The following LYPD6B variants were observed in gnomAD, a reference collection of about 807,000 sequenced individuals.
LYPD6B encodes the protein LY6/PLAUR domain containing 6B, also known as ly6/PLAUR domain-containing protein 6B.
A neutral mutation model predicts 22.8 loss-of-function variants in LYPD6B; 17 were observed. The observed-to-expected ratio is 0.75, with a 90% CI of 0.51 to 1.12. The LOEUF is 1.12. Among genes scored for constraint, LYPD6B ranks in the 50% most tolerant of loss-of-function variants. The pLI is 0.00. For missense variants in LYPD6B, 221 were observed against 258.3 expected, an observed-to-expected ratio of 0.86 and a Z score of 0.99; for synonymous variants, 106 against 91.6, an observed-to-expected ratio of 1.16 and a Z score of -0.90.
intron 1 of LYPD6B, among the ~76,000 whole-genome samples, chr2:149,124,845 G>A (rs1025166848): frequency 2.6e-5 from 4 of 151,900 alleles, no homozygotes; most frequent in African/African-American, 7.3e-5. Context: ...CCCACCTCCC[G>A]CTCCCTGTAC....
At chr2:149,120,446 G>C (rs540648018) in intron 1 of LYPD6B, among the ~76,000 whole-genome samples, 20 of 136,410 alleles carry the variant, frequency 1.5e-4, no homozygotes, top group Non-Finnish European at 3.1e-4. Context: ...GCAGTGGCGC[G>C]ATCTCGGCTC....
chr2:149,198,337 T>C (rs1692952405), intron 3 of LYPD6B, among the ~76,000 whole-genome samples: 1 of 152,150 alleles, frequency 6.6e-6, no homozygotes, highest in Non-Finnish European at 1.5e-5. Flanking sequence ...CCACCGCGCC[T>C]CACTGCTTTT....
rs6761388 is a variant in LYPD6B, at chr2:149,207,173, T to C, written c.230-1141T>C. The stretch of plus-strand genomic sequence containing the variant: ...TGGATGTCATTATTTATTTTCCTGC[T>C]GATACACTTTTGAACATAGGCAAAA... On this transcript the variant is annotated intron_variant, in intron 4 of 6. Coordinates refer to ENST00000409642, the MANE Select transcript of LYPD6B (RefSeq NM_177964.5). Among the ~76,000 whole-genome samples the C allele has an allele frequency of 8.0e-3, 1,223 of 152,306 alleles. 15 individuals carry two copies. The highest frequency in any genetic ancestry group is 0.028 in the African/African-American group (1,180 of 41,586).
At chr2:149,065,281 A>C (rs1684270015) in intron 1 of LYPD6B, among the ~76,000 whole-genome samples, 1 of 152,220 alleles carries the variant, frequency 6.6e-6, no homozygotes, top group South Asian at 2.1e-4. Context: ...GGAGAATTCT[A>C]GGGAGGGCAG....
At chr2:149,065,086 G>A (rs888181453) in intron 1 of LYPD6B, among the ~76,000 whole-genome samples, 3 of 152,208 alleles carry the variant, frequency 2.0e-5, no homozygotes, top group Non-Finnish European at 2.9e-5. Context: ...TGCCTGAACT[G>A]TTTTGAAGTT....
intron 1 of LYPD6B, among the ~76,000 whole-genome samples, chr2:149,050,448 T>C (rs1683499470): frequency 6.6e-6 from 1 of 152,184 alleles, no homozygotes; most frequent in South Asian, 2.1e-4. Context: ...TGGTATCGTG[T>C]TGAAAACATC....
intron 3 of LYPD6B, among the ~76,000 whole-genome samples, chr2:149,170,017 C>T (rs890596897): frequency 6.6e-6 from 1 of 152,162 alleles, no homozygotes; most frequent in African/African-American, 2.4e-5. Context: ...GTGCCTTGGA[C>T]ATGGAAGCTG....
intron 1 of LYPD6B, among the ~76,000 whole-genome samples, chr2:149,122,610 C>T (rs141644939): frequency 0.031 from 4,351 of 141,150 alleles, 87 homozygotes; most frequent in Non-Finnish European, 0.043. Flanking sequence ...TGATGTCCCC[C>T]ACCCTGTGTC....
chr2:149,069,595 G>C (rs1331672603), intron 1 of LYPD6B, among the ~76,000 whole-genome samples: 1 of 152,116 alleles, frequency 6.6e-6, no homozygotes, highest in Non-Finnish European at 1.5e-5. Flanking sequence ...TCTGGATACT[G>C]CATGAGCCAG....
chr2:149,047,811 T>C (rs529946465), intron 1 of LYPD6B, among the ~76,000 whole-genome samples: 1 of 152,180 alleles, frequency 6.6e-6, no homozygotes, highest in African/African-American at 2.4e-5. Flanking sequence ...CGTTTTTTGC[T>C]TGTTTTATTC....
Position 149,121,964 on chromosome 2 carries a change from G to C in LYPD6B, c.-66-8919G>C, listed in dbSNP as rs553539403. Among the ~76,000 whole-genome samples, 439 of 152,316 alleles carry C rather than the reference G, an allele frequency of 2.9e-3. 2 individuals carry two copies. Among genetic ancestry groups the C allele is most frequent in the Non-Finnish European group, 4.8e-3 (329 of 68,026 alleles). Reference sequence around the variant, plus strand: ...GAGCAAGGCCAATAATGGATCCAGTGCTGGTGGAGGTGAAGGGGCAAATGG... The same window carrying C: ...GAGCAAGGCCAATAATGGATCCAGTCCTGGTGGAGGTGAAGGGGCAAATGG... On this transcript the variant is annotated intron_variant, in intron 1 of 6. Transcript: ENST00000409642.
intron 1 of LYPD6B, among the ~76,000 whole-genome samples, chr2:149,092,970 G>A (rs975092085): frequency 2.0e-4 from 30 of 152,168 alleles, no homozygotes; most frequent in African/African-American, 7.0e-4. Flanking sequence ...TGGGAGGAGG[G>A]AATAGTTGGC....
chr2:149,108,326 C>A (rs1362337721), intron 1 of LYPD6B, among the ~76,000 whole-genome samples: 1 of 152,194 alleles, frequency 6.6e-6, no homozygotes, highest in Non-Finnish European at 1.5e-5. Context: ...TAATCAGCAG[C>A]ATGAAAACAG....
rs143313183 is a variant in LYPD6B at position 149,150,862 on chromosome 2, T to A, written c.6-9902T>A. On this transcript the variant is annotated intron_variant, in intron 2 of 6. Transcript: ENST00000409642. ...CATTTCCCTTCACAAATATTTCTAC[T>A]TTCTGAAAGATTTCTTTGACTTCAT... Among the ~76,000 whole-genome samples, 19 of 152,234 alleles carry A rather than the reference T, an allele frequency of 1.2e-4. No homozygotes were observed. In the East Asian group the frequency reaches 3.5e-3, roughly 28 times the overall value.
chr2:149,065,546 C>T (rs1478721395), intron 1 of LYPD6B, among the ~76,000 whole-genome samples: 1 of 152,172 alleles, frequency 6.6e-6, no homozygotes, highest in Non-Finnish European at 1.5e-5. Flanking sequence ...TGGGAGAGAA[C>T]CCGAGCTAGA....
intron 2 of LYPD6B, among the ~76,000 whole-genome samples, chr2:149,149,519 A>G (rs891019656): frequency 1.3e-5 from 2 of 152,154 alleles, no homozygotes; most frequent in East Asian, 3.8e-4. Flanking sequence ...AGATTTTTAA[A>G]ATTACTACTG....
intron 1 of LYPD6B, among the ~76,000 whole-genome samples, chr2:149,094,949 A>T (rs1046464587): frequency 1.3e-5 from 2 of 152,178 alleles, no homozygotes; most frequent in African/African-American, 4.8e-5. Context: ...TTAATGTTTA[A>T]GAATTTTGAT....
intron 3 of LYPD6B, among the ~76,000 whole-genome samples, chr2:149,179,961 T>C (rs1047272283): frequency 1.3e-5 from 2 of 152,192 alleles, no homozygotes; most frequent in African/African-American, 4.8e-5. Context: ...TTATCACTTT[T>C]ATTTATTTTA....
intron 1 of LYPD6B, among the ~76,000 whole-genome samples, chr2:149,039,190 T>C (rs991490803): frequency 6.6e-6 from 1 of 151,918 alleles, no homozygotes; most frequent in Admixed American, 6.5e-5. Context: ...GGGGCTGGGG[T>C]TCAAGGCCGA....
Sources: allele counts gnomAD v4.1 joint callset (sites outside exome capture counted in the v4.1 genomes callset), GRCh38; gene constraint gnomAD v4.1.1; transcripts MANE v1.5; gene names NCBI Gene and HGNC (gene_info 2026-07-23, HGNC 2026-07-21).